LMO4: variants seen among roughly 807,000 people sequenced by gnomAD.
The protein encoded by LMO4 is LIM domain only 4, also known as LIM domain transcription factor LMO4.
In LMO4, 3 loss-of-function variants were observed where a neutral mutation model predicts 18.5. That is an observed-to-expected ratio of 0.16 (90% CI 0.07 to 0.42). The LOEUF is 0.42. Among genes scored for constraint, LMO4 ranks in the 10% least tolerant of loss-of-function variants. The pLI is 0.99. For synonymous variants in LMO4, 100 were observed against 88.1 expected (o/e 1.14, Z -0.76); for missense variants, 121 against 219.9 (o/e 0.55, Z 2.84).
chr1:87,335,698 C>G (rs1650288228), intron 2 of LMO4, among the ~76,000 whole-genome samples: 1 of 152,126 alleles, frequency 6.6e-6, no homozygotes, highest in South Asian at 2.1e-4. Context: ...TAATCAACAG[C>G]AAGCTGCTAT....
At chr1:87,335,872 A>G (rs75762577) in intron 2 of LMO4, among the ~76,000 whole-genome samples, 4 of 105,954 alleles carry the variant, frequency 3.8e-5, no homozygotes, top group African/African-American at 9.6e-5. Context: ...TATTAGCTAG[A>G]AAAAAAAAAA....
chr1:87,336,911 A>C (rs76093037), intron 2 of LMO4, among the ~76,000 whole-genome samples: 3 of 152,108 alleles, frequency 2.0e-5, no homozygotes, highest in Non-Finnish European at 4.4e-5. Flanking sequence ...TTTTAAATCA[A>C]ACACTGTCCG....
At chr1:87,342,491 G>C (rs3766023) in intron 4 of LMO4, among the ~76,000 whole-genome samples, 28,313 of 152,082 alleles carry the variant, frequency 0.19, 3,249 homozygotes, top group Non-Finnish European at 0.26. Flanking sequence ...CAATGAATAA[G>C]AACCTATTAG....
intron 2 of LMO4, 99 bp downstream of exon 2, chr1:87,332,350 T>C (rs1650181516): frequency 1.2e-6 from 1 of 861,934 alleles, no homozygotes; most frequent in Non-Finnish European, 1.8e-6. Context: ...CTACGGGGAG[T>C]ATGCAGCCTT....
chr1:87,338,797 G>A (rs913238073), intron 2 of LMO4, among the ~76,000 whole-genome samples: 14 of 152,190 alleles, frequency 9.2e-5, no homozygotes, highest in Non-Finnish European at 1.6e-4. Context: ...TCCAGATCCC[G>A]GTAAATTACT....
At chr1:87,329,410 G>C (rs1213235150) in intron 1 of LMO4, among the ~76,000 whole-genome samples, 166 bp downstream of exon 1, 1 of 152,150 alleles carries the variant, frequency 6.6e-6, no homozygotes, top group African/African-American at 2.4e-5. Context: ...TACCGAGGCC[G>C]GCCTGCGAGC....
In LMO4 at chr1:87,345,345, A is replaced by T. The variant is rs907649658; in HGVS notation, c.*549A>T. 3 of 152,370 alleles carry T rather than the reference A, an allele frequency of 2.0e-5. No homozygotes were observed. The highest frequency in any genetic ancestry group is 4.4e-5 in the Non-Finnish European group (3 of 68,028). The allele number at this position is 152,370 out of a possible 1,614,324, so 9.4% of individuals were successfully genotyped here. On this transcript the variant is annotated 3_prime_UTR_variant, in exon 5 of 5. Transcript: ENST00000370544. ...TCTGTAAAATACAATGTATGTATGC[A>T]TGTAAGTGTTTTTGTCCTAATGTTG...
At chr1:87,343,010 C>T (rs1174831074) in intron 4 of LMO4, among the ~76,000 whole-genome samples, 3 of 152,084 alleles carry the variant, frequency 2.0e-5, no homozygotes, top group African/African-American at 4.8e-5. Context: ...TTATTTTGGC[C>T]ATTTTCCTTC....
chr1:87,335,509 C>T (rs1650281482), intron 2 of LMO4, among the ~76,000 whole-genome samples: 1 of 151,980 alleles, frequency 6.6e-6, no homozygotes, highest in Non-Finnish European at 1.5e-5. Flanking sequence ...GCTTTCTTTC[C>T]CCGGGCTCCA....
intron 2 of LMO4, among the ~76,000 whole-genome samples, chr1:87,335,281 G>A (rs1398577854): frequency 1.3e-5 from 2 of 152,218 alleles, no homozygotes; most frequent in Non-Finnish European, 2.9e-5. Context: ...TGCAGCGAGA[G>A]GAGGAAGTTC....
rs906506404 is a variant in LMO4, at chr1:87,335,277, G to A, written c.236+3026G>A. ...CGAAGACTGGCGCGGAAAGTGCAGC[G>A]AGAGGAGGAAGTTCGGAGACCGGCG... On this transcript the variant is annotated intron_variant, in intron 2 of 4. Transcript: ENST00000370544. Among the ~76,000 whole-genome samples, 5 of 152,314 alleles carry A rather than the reference G, an allele frequency of 3.3e-5. No individual in the cohort carries two copies. The East Asian group carries it at 7.7e-4, about 24-fold the overall frequency.
Position 87,340,137 on chromosome 1 carries a change from C to G in LMO4, c.424C>G (p.Pro142Ala). 1 of 1,614,026 alleles carries G rather than the reference C, an allele frequency of 6.2e-7. No individual in the cohort carries two copies. The highest frequency in any genetic ancestry group is 8.5e-7 in the Non-Finnish European group (1 of 1,179,930). The change falls in exon 4 of 5, where the codon CCT becomes GCT. Residue 142 changes from proline to alanine, a missense_variant. Pro to Ala is a conservative substitution (Grantham distance 27). Around this residue, in one of 4 missense-constraint regions of LMO4, gnomAD observed 62 missense variants for 128.8 expected, o/e 0.48. Transcript: ENST00000370544. Reference protein sequence around the residue: ...NGSLFCEHDRPTALINGHLNS... With the variant: ...NGSLFCEHDRATALINGHLNS... ...CAGTTTATTTTGTGAACATGATAGA[C>G]CTACAGCTCTCATCAATGGCCATTT...
rs558104034 is a variant in LMO4 at position 87,336,204 on chromosome 1, A to G, written c.237-3332A>G. Among the ~76,000 whole-genome samples the G allele has an allele frequency of 3.3e-5, 5 of 152,316 alleles. No homozygotes were observed. The South Asian group carries it at 1.0e-3, about 32-fold the overall frequency. On this transcript the variant is annotated intron_variant, in intron 2 of 4. Transcript: ENST00000370544. ...ATAGCTGGTGCAGAATTTAGATTAA[A>G]TATAGGAACCTGCTGGAAAACCAAT... is the stretch of plus-strand genomic sequence containing the variant.
intron 1 of LMO4, among the ~76,000 whole-genome samples, chr1:87,330,725 C>T (rs1474601997): frequency 6.6e-6 from 1 of 152,066 alleles, no homozygotes; most frequent in African/African-American, 2.4e-5. Context: ...GAGCAGATAG[C>T]CGGGAGCCTC....
In LMO4 at chr1:87,344,826, T is replaced by G; in HGVS notation, c.*30T>G. 6.2e-7 allele frequency: 1 copy of G among 1,612,904 alleles called. No homozygotes were observed. On this transcript the variant is annotated 3_prime_UTR_variant, in exon 5 of 5. Coordinates refer to ENST00000370544, the MANE Select transcript of LMO4 (RefSeq NM_006769.4). ...TCAGAGTAATGCAGAATGCGTGCCT[T>G]CATCTCAGATTTGTTCATCACAGGT...
At chr1:87,330,006 T>TTC (rs1265516665) in intron 1 of LMO4, among the ~76,000 whole-genome samples, 43 of 131,426 alleles carry the variant, frequency 3.3e-4, no homozygotes, top group African/African-American at 1.3e-3. Flanking sequence ...AAAGCTTTCT[T>TTC]TTTTTTTTTT....
chr1:87,338,941 AAG>A (rs1650395031), intron 2 of LMO4, among the ~76,000 whole-genome samples: 1 of 152,204 alleles, frequency 6.6e-6, no homozygotes, highest in South Asian at 2.1e-4. Flanking sequence ...GTTAGGATGA[AAG>A]AGATGAGCAG....
chr1:87,341,656 A>G (rs1466713943), intron 4 of LMO4, among the ~76,000 whole-genome samples: 1 of 152,184 alleles, frequency 6.6e-6, no homozygotes, highest in Non-Finnish European at 1.5e-5. Context: ...GCTCAAGTTT[A>G]TGAGGTAATT....
intron 4 of LMO4, among the ~76,000 whole-genome samples, chr1:87,342,284 T>C (rs1050046170): frequency 6.6e-6 from 1 of 152,092 alleles, no homozygotes; most frequent in African/African-American, 2.4e-5. Flanking sequence ...ACCTAAGAAA[T>C]ATGAGCAGGA....
Sources: allele counts gnomAD v4.1 joint callset (sites outside exome capture counted in the v4.1 genomes callset), GRCh38; gene constraint gnomAD v4.1.1; regional missense constraint gnomAD v4.1.1; transcripts MANE v1.5; gene names NCBI Gene and HGNC (gene_info 2026-07-23, HGNC 2026-07-21).